The following ANKRD44 variants were observed in gnomAD, a reference collection of about 807,000 sequenced individuals.
ANKRD44 encodes serine/threonine-protein phosphatase 6 regulatory ankyrin repeat subunit B.
ANKRD44 carries 35 observed loss-of-function variants against 116.0 expected under a neutral mutation model. The ratio of observed to expected loss-of-function variants is 0.30; its 90% CI spans 0.23 to 0.40. The LOEUF (loss-of-function observed/expected upper bound fraction) is 0.40, where lower values mean the gene tolerates loss of function less well. Ranked by LOEUF, ANKRD44 falls within the 10% of genes least tolerant of loss-of-function variation. The probability of loss-of-function intolerance (pLI) is 1.00; values close to 1 mark genes in which losing one functional copy is unlikely to be tolerated. For missense variants in ANKRD44, 1,014 were observed against 1,242.6 expected, an observed-to-expected ratio of 0.82 and a Z score of 2.77; for synonymous variants, 435 against 461.8, an observed-to-expected ratio of 0.94 and a Z score of 0.74.
chr2:197,053,301 T>A (rs563868192), intron 16 of ANKRD44, among the ~76,000 whole-genome samples: 6 of 152,344 alleles, frequency 3.9e-5, no homozygotes, highest in African/African-American at 1.4e-4. Flanking sequence ...AGTAGTTATG[T>A]CTGGATGGTG....
Position 197,265,396 on chromosome 2 carries a change from G to A in ANKRD44, c.27+45182C>T, listed in dbSNP as rs530668926. Among the ~76,000 whole-genome samples the A allele has an allele frequency of 1.1e-3, 162 of 151,954 alleles. 1 individual carries two copies. The highest frequency in any genetic ancestry group is 3.4e-3 in the Middle Eastern group (1 of 294). On this transcript the variant is annotated intron_variant, in intron 1 of 27. Coordinates refer to ENST00000282272, the MANE Select transcript of ANKRD44 (RefSeq NM_001195144.2). ...CGAATAGCTGGGACTATAGGGGTGC[G>A]TCACAGCACCAGCTAATTTTTTGAA...
intron 24 of ANKRD44, 77 bp from the exon 25 acceptor site, chr2:196,998,496 C>A: frequency 4.1e-6 from 4 of 974,628 alleles, no homozygotes; most frequent in South Asian, 1.4e-5. Context: ...ACTACAAACA[C>A]AATAACATAT....
At position 197,256,879 on chromosome 2, in the gene ANKRD44, G is replaced by C. The variant is rs534932193; in HGVS notation, c.27+53699C>G. ...TAAATTGTAAACTGTCCTGTAAGGG[G>C]GCTTCAGCCTTCTCATAGATCACAG... On this transcript the variant is annotated intron_variant, in intron 1 of 27. Transcript: ENST00000282272. Among the ~76,000 whole-genome samples, 6 of 152,258 alleles carry C rather than the reference G, an allele frequency of 3.9e-5. No homozygotes were observed. In the South Asian group the frequency reaches 1.2e-3, roughly 32 times the overall value.
intron 21 of ANKRD44, among the ~76,000 whole-genome samples, chr2:197,004,897 A>G (rs1453090390): frequency 6.6e-6 from 1 of 152,188 alleles, no homozygotes; most frequent in African/African-American, 2.4e-5. Context: ...TCTGGTATAC[A>G]TATTGCTATG....
intron 1 of ANKRD44, among the ~76,000 whole-genome samples, chr2:197,207,836 G>A (rs938792438): frequency 2.0e-5 from 3 of 152,162 alleles, no homozygotes; most frequent in Non-Finnish European, 2.9e-5. Flanking sequence ...AAACAGAAAT[G>A]AGGAAGACAC....
At chr2:197,084,237 G>T (rs182637732) in intron 13 of ANKRD44, among the ~76,000 whole-genome samples, 1 of 152,196 alleles carries the variant, frequency 6.6e-6, no homozygotes, top group Non-Finnish European at 1.5e-5. Flanking sequence ...TGGATGACTT[G>T]AGGCTTTCTG....
intron 21 of ANKRD44, among the ~76,000 whole-genome samples, chr2:196,967,953 C>T (rs1324252985): frequency 4.0e-5 from 6 of 151,628 alleles, no homozygotes; most frequent in Non-Finnish European, 7.4e-5. Flanking sequence ...CTTGCTCTTG[C>T]TCTGGCCATG....
At chr2:197,009,055 T>C (rs748509988) in intron 18 of ANKRD44, 24 bp from the exon 19 acceptor site, 2 of 1,585,008 alleles carry the variant, frequency 1.3e-6, no homozygotes, top group Non-Finnish European at 1.7e-6. Flanking sequence ...CAGTGGACAG[T>C]CTTTTAACAG....
At position 197,164,256 on chromosome 2, in the gene ANKRD44, C is replaced by T. The variant is rs183420648; in HGVS notation, c.112-17151G>A. 2.1e-3 allele frequency among the ~76,000 whole-genome samples: 327 copies of T among 152,286 alleles called. 3 individuals are homozygous for T. The highest frequency in any genetic ancestry group is 7.3e-3 in the African/African-American group (304 of 41,558). On this transcript the variant is annotated intron_variant, in intron 2 of 27. Coordinates refer to ENST00000282272, the MANE Select transcript of ANKRD44 (RefSeq NM_001195144.2). ...TCCCGGGAGGCCTGGCCTCTGACACCGCCGGCTGCGTCTGGGTAGCAAGAC... is the reference window on the plus strand; with the variant it reads ...TCCCGGGAGGCCTGGCCTCTGACACTGCCGGCTGCGTCTGGGTAGCAAGAC...
intron 1 of ANKRD44, among the ~76,000 whole-genome samples, chr2:197,266,878 C>A (rs769478453): frequency 6.6e-6 from 1 of 152,010 alleles, no homozygotes; most frequent in Non-Finnish European, 1.5e-5. Context: ...ATGTCCTATA[C>A]GGTCTGTTAA....
At chr2:197,216,683 G>T (rs1352310979) in intron 1 of ANKRD44, among the ~76,000 whole-genome samples, 3 of 152,092 alleles carry the variant, frequency 2.0e-5, no homozygotes, top group African/African-American at 7.2e-5. Context: ...TCTATAACTG[G>T]AAGACAGTAG....
At chr2:197,253,025 C>T (rs1448537095) in intron 1 of ANKRD44, among the ~76,000 whole-genome samples, 3 of 152,188 alleles carry the variant, frequency 2.0e-5, no homozygotes, top group Admixed American at 1.3e-4. Flanking sequence ...AATTTATCCT[C>T]AGGATGTTCC....
intron 1 of ANKRD44, among the ~76,000 whole-genome samples, chr2:197,274,000 T>G (rs1172859566): frequency 1.8e-5 from 1 of 54,416 alleles, no homozygotes; most frequent in African/African-American, 8.9e-5. Flanking sequence ...TATATATATA[T>G]ATATATATAT....
chr2:197,192,348 A>G (rs1574243051), intron 1 of ANKRD44, among the ~76,000 whole-genome samples: 1 of 152,304 alleles, frequency 6.6e-6, no homozygotes, highest in South Asian at 2.1e-4. Context: ...TTCTGATTAG[A>G]TCGGGAAAAT....
At chr2:197,117,269 T>G (rs1285397428) in intron 8 of ANKRD44, among the ~76,000 whole-genome samples, 2 of 152,180 alleles carry the variant, frequency 1.3e-5, no homozygotes, top group South Asian at 4.1e-4. Context: ...TGACAGAGTC[T>G]TGCTCTGTTG....
At chr2:197,187,889 G>A (rs760981263) in intron 1 of ANKRD44, among the ~76,000 whole-genome samples, 20 of 151,940 alleles carry the variant, frequency 1.3e-4, no homozygotes, top group Non-Finnish European at 1.3e-4. Context: ...ATGGCAGCCT[G>A]AGCAAACTAA....
chr2:197,141,014 C>T (rs1219707147), intron 3 of ANKRD44, among the ~76,000 whole-genome samples: 1 of 152,044 alleles, frequency 6.6e-6, no homozygotes, highest in Non-Finnish European at 1.5e-5. Flanking sequence ...GTCAGGAGTT[C>T]GAGGCCAACC....
At chr2:197,301,059 T>A (rs1397939620) in intron 1 of ANKRD44, 1 of 152,194 alleles carries the variant, frequency 6.6e-6, no homozygotes, top group East Asian at 1.9e-4. Context: ...AGTGCTGGGA[T>A]TACAGGCATG....
chr2:197,004,209 T>C (rs2076162823), intron 21 of ANKRD44, among the ~76,000 whole-genome samples: 2 of 152,182 alleles, frequency 1.3e-5, no homozygotes, highest in South Asian at 2.1e-4. Flanking sequence ...CATTGACATA[T>C]TTCAAGTATC....
Sources: gnomAD v4.1 joint callset for allele counts (sites outside exome capture counted in the v4.1 genomes callset) on GRCh38, gnomAD v4.1.1 for gene constraint, MANE v1.5 for transcripts, NCBI Gene and HGNC (gene_info 2026-07-23, HGNC 2026-07-21) for gene names.